Variants in CFAP299 observed in about 807,000 individuals in gnomAD.
The protein encoded by CFAP299 is cilia and flagella associated protein 299.
CFAP299 carries 21 observed loss-of-function variants against 27.0 expected under a neutral mutation model. The observed-to-expected ratio is 0.78, with a 90% confidence interval of 0.55 to 1.12. The LOEUF (loss-of-function observed/expected upper bound fraction) is 1.12, where lower values mean the gene tolerates loss of function less well. Ranked by LOEUF, CFAP299 falls within the 50% of genes most tolerant of loss-of-function variation. The probability of loss-of-function intolerance (pLI) is 0.00; values close to 1 mark genes in which losing one functional copy is unlikely to be tolerated. For synonymous variants in CFAP299, 104 were observed against 98.1 expected, an observed-to-expected ratio of 1.06 and a Z score of -0.36; for missense variants, 310 against 276.6, an observed-to-expected ratio of 1.12 and a Z score of -0.86.
At chr4:80,338,353 T>C (rs1052760548) in intron 1 of CFAP299, among the ~76,000 whole-genome samples, 77 of 152,278 alleles carry the variant, frequency 5.1e-4, no homozygotes, top group African/African-American at 1.7e-3. Context: ...ATATTGTTAT[T>C]AACTGTAGTC....
chr4:80,520,823 A>G (rs551107634), intron 2 of CFAP299, among the ~76,000 whole-genome samples: 5 of 152,356 alleles, frequency 3.3e-5, no homozygotes, highest in Admixed American at 6.5e-5. Context: ...ATAAGTTGTT[A>G]TATTCTATCT....
chr4:80,537,675 A>G (rs755578358), intron 2 of CFAP299, among the ~76,000 whole-genome samples: 1 of 152,094 alleles, frequency 6.6e-6, no homozygotes, highest in Non-Finnish European at 1.5e-5. Context: ...GTTGCTGGAC[A>G]CTGAGGTGGG....
chr4:80,589,006 T>G (rs936566520), intron 3 of CFAP299, among the ~76,000 whole-genome samples: 1 of 152,212 alleles, frequency 6.6e-6, no homozygotes, highest in Non-Finnish European at 1.5e-5. Context: ...AGAGTCTGAT[T>G]CTTAACCAGT....
intron 3 of CFAP299, among the ~76,000 whole-genome samples, chr4:80,836,472 T>G (rs949416234): frequency 3.9e-5 from 6 of 152,172 alleles, no homozygotes; most frequent in African/African-American, 1.4e-4. Flanking sequence ...TTGCCCACAT[T>G]CTTTGGTTCA....
intron 3 of CFAP299, among the ~76,000 whole-genome samples, chr4:80,745,099 A>G (rs994942184): frequency 1.3e-5 from 2 of 150,690 alleles, no homozygotes; most frequent in African/African-American, 4.9e-5. Context: ...ACAAAAAATG[A>G]TGATGTTTGA....
intron 2 of CFAP299, among the ~76,000 whole-genome samples, chr4:80,570,610 G>A (rs1735536856): frequency 6.6e-6 from 1 of 152,184 alleles, no homozygotes; most frequent in Middle Eastern, 3.4e-3. Context: ...TGTTGGGAAT[G>A]GTGTGAAGCA....
intron 2 of CFAP299, among the ~76,000 whole-genome samples, chr4:80,415,442 A>T (rs1338493433): frequency 6.6e-6 from 1 of 152,242 alleles, no homozygotes; most frequent in Non-Finnish European, 1.5e-5. Flanking sequence ...CTATGGCAAC[A>T]TATTGAATCT....
In CFAP299 at chr4:80,579,438, G is replaced by A. The variant is rs550511478; in HGVS notation, c.243-3655G>A. Among the ~76,000 whole-genome samples the A allele has an allele frequency of 2.6e-5, 4 of 152,212 alleles. No homozygotes were observed. The East Asian group carries it at 7.7e-4, about 29-fold the overall frequency. The stretch of plus-strand genomic sequence containing the variant: ...GGGGCTTTCATTGTTACGGAAGAAG[G>A]GGGAACAGTGTCTGCCATAGTTAAG... On this transcript the variant is annotated intron_variant, in intron 2 of 5. Coordinates refer to ENST00000358105, the MANE Select transcript of CFAP299 (RefSeq NM_152770.3).
intron 3 of CFAP299, among the ~76,000 whole-genome samples, chr4:80,719,236 A>G (rs1281155698): frequency 6.6e-6 from 1 of 152,148 alleles, no homozygotes; most frequent in Non-Finnish European, 1.5e-5. Context: ...AAAAACCCCC[A>G]TGACATGAGT....
intron 3 of CFAP299, among the ~76,000 whole-genome samples, chr4:80,818,141 G>C (rs1484924208): frequency 2.0e-5 from 3 of 152,002 alleles, no homozygotes; most frequent in Non-Finnish European, 4.4e-5. Flanking sequence ...CTGAGGATAA[G>C]GGCTTCCAAC....
chr4:80,379,155 T>C (rs568950521), intron 2 of CFAP299, among the ~76,000 whole-genome samples: 1 of 152,180 alleles, frequency 6.6e-6, no homozygotes, highest in Non-Finnish European at 1.5e-5. Flanking sequence ...TCTTTCAAAA[T>C]ATGTTTGTAG....
chr4:80,889,804 G>A (rs182056695), intron 4 of CFAP299, among the ~76,000 whole-genome samples: 119 of 152,214 alleles, frequency 7.8e-4, no homozygotes, highest in Admixed American at 1.7e-3. Context: ...TCCCAGGGAT[G>A]CAAGGATGGT....
At chr4:80,440,308 G>A (rs1225334868) in intron 2 of CFAP299, among the ~76,000 whole-genome samples, 2 of 121,396 alleles carry the variant, frequency 1.6e-5, no homozygotes, top group African/African-American at 2.6e-5. Flanking sequence ...GAGAGCTCCG[G>A]CTGGCATCTG....
intron 3 of CFAP299, among the ~76,000 whole-genome samples, chr4:80,671,498 A>C (rs570203527): frequency 6.6e-6 from 1 of 152,148 alleles, no homozygotes; most frequent in Non-Finnish European, 1.5e-5. Context: ...GTTCCGTATG[A>C]ACTTTAAAGT....
chr4:80,599,553 C>T (rs1367075352), intron 3 of CFAP299, among the ~76,000 whole-genome samples: 1 of 152,054 alleles, frequency 6.6e-6, no homozygotes, highest in African/African-American at 2.4e-5. Flanking sequence ...TTTTAAAAAT[C>T]TTCTGTCCTA....
intron 3 of CFAP299, among the ~76,000 whole-genome samples, chr4:80,777,091 C>A (rs1463288317): frequency 6.6e-6 from 1 of 151,970 alleles, no homozygotes; most frequent in Admixed American, 6.6e-5. Context: ...AAGGATGGCT[C>A]CCCAGATTGC....
chr4:80,670,209 A>T (rs977993963), intron 3 of CFAP299, among the ~76,000 whole-genome samples: 2 of 151,840 alleles, frequency 1.3e-5, no homozygotes, highest in Non-Finnish European at 2.9e-5. Flanking sequence ...TCATTGTTCA[A>T]TTCCCACCTA....
intron 2 of CFAP299, among the ~76,000 whole-genome samples, chr4:80,574,607 G>A (rs1735754391): frequency 6.6e-6 from 1 of 152,036 alleles, no homozygotes; most frequent in African/African-American, 2.4e-5. Context: ...GTCATATTTG[G>A]CTTTTATTGT....
At chr4:80,444,022 A>G (rs1413904148) in intron 2 of CFAP299, among the ~76,000 whole-genome samples, 1 of 152,234 alleles carries the variant, frequency 6.6e-6, no homozygotes, top group Admixed American at 6.5e-5. Flanking sequence ...GCTCAAGGAA[A>G]CAAGAGAGGA....
Sources: gnomAD v4.1 joint callset for allele counts (sites outside exome capture counted in the v4.1 genomes callset) on GRCh38, gnomAD v4.1.1 for gene constraint, MANE v1.5 for transcripts, NCBI Gene and HGNC (gene_info 2026-07-23, HGNC 2026-07-21) for gene names.